The following DGKD variants were observed in gnomAD, a reference collection of about 807,000 sequenced individuals.
DGKD encodes DAG kinase delta.
In DGKD, 68 loss-of-function variants were observed where a neutral mutation model predicts 154.4. That is an observed-to-expected ratio of 0.44 (90% CI 0.36 to 0.54). DGKD has a LOEUF of 0.54. Among genes scored for constraint, DGKD ranks in the 20% least tolerant of loss-of-function variants. DGKD has a pLI of 0.00. For missense variants in DGKD, 1,343 were observed against 1,593.6 expected (o/e 0.84, Z 2.68); for synonymous variants, 693 against 638.0 (o/e 1.09, Z -1.30).
At position 233,445,767 on chromosome 2, in the gene DGKD, G is replaced by A; in HGVS notation, c.1334+5G>A. The stretch of plus-strand genomic sequence containing the variant: ...CAGCACCAAGATGCTGGACAGGTGA[G>A]TGGGGATGTGCTCCGGTGCCGTATG... On this transcript the variant is annotated splice_donor_5th_base_variant and intron_variant, in intron 11 of 29. Transcript: ENST00000264057. This position sits in a 1 kb window ranked among gnomAD's most constrained non-coding sequence, Gnocchi z 5.5. 1.2e-6 allele frequency: 2 copies of A among 1,608,480 alleles called. No homozygotes were observed. The highest frequency in any genetic ancestry group is 2.2e-5 in the East Asian group (1 of 44,630).
intron 5 of DGKD, among the ~76,000 whole-genome samples, chr2:233,435,102 CAG>C (rs977724333): frequency 1.3e-5 from 2 of 152,110 alleles, no homozygotes; most frequent in African/African-American, 4.8e-5. Context: ...TTATAGTGCT[CAG>C]AGTGAAAAGG....
At chr2:233,399,944 A>G (rs57020060) in intron 3 of DGKD, among the ~76,000 whole-genome samples, 2,245 of 152,114 alleles carry the variant, frequency 0.015, 54 homozygotes, top group African/African-American at 0.051. Context: ...GGTGACTCTG[A>G]GAATTAAATA....
In DGKD at chr2:233,467,351, C is replaced by T. The variant is rs964364294; in HGVS notation, c.3424+148C>T. 18 of 688,650 alleles carry T rather than the reference C, an allele frequency of 2.6e-5. No homozygotes were observed. The African/African-American group carries it at 3.2e-4, about 12-fold the overall frequency. The allele number at this position is 688,650 out of a possible 1,614,324, so 42.7% of individuals were successfully genotyped here. A position where few individuals can be genotyped will look rare whatever the true frequency, so the allele number is the denominator to read the frequency against. ...CCCCCGGTCCTGCGACCACACTTGT[C>T]TGTTGGTAGCTGCAGCCCTCCACCC... On this transcript the variant is annotated intron_variant, in intron 28 of 29. Transcript: ENST00000264057.
chr2:233,388,089 C>T, intron 1 of DGKD, 168 bp from the exon 2 acceptor site: 1 of 1,436,454 alleles, frequency 7.0e-7, no homozygotes, highest in Non-Finnish European at 9.2e-7. Context: ...CCCCATGCCC[C>T]CGGCAGCGTG....
intron 2 of DGKD, among the ~76,000 whole-genome samples, chr2:233,389,956 C>T (rs1412400608): frequency 6.6e-6 from 1 of 152,194 alleles, no homozygotes; most frequent in Non-Finnish European, 1.5e-5. Context: ...AGGACCTTCC[C>T]CCTCCATGTG....
chr2:233,468,482 T>C lies in DGKD; in HGVS notation c.3484T>C (p.Tyr1162His). The C allele has an allele frequency of 1.2e-6, 2 of 1,612,894 alleles. No homozygotes were observed. Among genetic ancestry groups the C allele is most frequent in the Non-Finnish European group, 1.7e-6 (2 of 1,179,740 alleles). ...GCTGGAGCACCTCAGTCTCTGTGAG[T>C]ATAAGGACATCTTCACACGGCACGA... ...AWLEHLSLCE[Y>H]KDIFTRHDIR... The change falls in exon 29 of 30, where the codon TAT becomes CAT. Residue 1162 changes from tyrosine to histidine, a missense_variant. Transcript: ENST00000264057.
chr2:233,453,867 A>G (rs2124894843), intron 18 of DGKD, among the ~76,000 whole-genome samples: 1 of 152,352 alleles, frequency 6.6e-6, no homozygotes, highest in Middle Eastern at 3.4e-3. Flanking sequence ...CACACGGGGA[A>G]AAGGAAGCCT....
At chr2:233,462,522 C>T (rs900091679) in intron 25 of DGKD, 63 bp downstream of exon 25, 125 of 1,539,062 alleles carry the variant, frequency 8.1e-5, no homozygotes, top group South Asian at 1.4e-4. Context: ...CGGCCCTCCC[C>T]GTGCGTGTTC....
chr2:233,376,121 C>T (rs947609690), intron 1 of DGKD, among the ~76,000 whole-genome samples: 2 of 151,970 alleles, frequency 1.3e-5, no homozygotes, highest in Non-Finnish European at 2.9e-5. Flanking sequence ...TTTGGGATGT[C>T]GCACCTGCTG....
intron 3 of DGKD, among the ~76,000 whole-genome samples, chr2:233,401,914 T>C (rs2125485847): frequency 1.0e-5 from 1 of 96,712 alleles, no homozygotes; most frequent in Middle Eastern, 5.5e-3. Flanking sequence ...AGTGAGACTC[T>C]GTCTCAAAAA....
intron 3 of DGKD, among the ~76,000 whole-genome samples, chr2:233,432,257 T>G (rs113741199): frequency 0.015 from 1,085 of 74,436 alleles, 33 homozygotes; most frequent in African/African-American, 0.036. Flanking sequence ...CAGGCGTGGT[T>G]GCTCACGCCT....
intron 24 of DGKD, among the ~76,000 whole-genome samples, chr2:233,461,350 C>G (rs1191199732): frequency 6.6e-6 from 1 of 152,266 alleles, no homozygotes; most frequent in Non-Finnish European, 1.5e-5. Context: ...GTGTGCCCTT[C>G]CAGGCAGCCT....
In DGKD at chr2:233,467,172, C is replaced by T. The variant is rs528425985; in HGVS notation, c.3393C>T (p.Asn1131=). ...TKFKKEKNNK[N]KEAHSSLGAP... is the part of the protein sequence containing the mutation. ...TTAAAAAGGAGAAAAACAACAAGAA[C>T]AAAGAAGCTCACAGTAGCCTGGGAG... The change falls in exon 28 of 30, where the codon AAC becomes AAT. Residue 1131 remains asparagine (N), a synonymous_variant. Coordinates refer to ENST00000264057, the MANE Select transcript of DGKD (RefSeq NM_152879.3). 1.2e-6 allele frequency: 2 copies of T among 1,614,186 alleles called. No individual in the cohort carries two copies. The highest frequency in any genetic ancestry group is 2.2e-5 in the South Asian group (2 of 91,084).
intron 3 of DGKD, among the ~76,000 whole-genome samples, chr2:233,396,424 C>T (rs989897665): frequency 4.6e-5 from 7 of 151,418 alleles, no homozygotes; most frequent in Non-Finnish European, 7.4e-5. Context: ...TGGGGTCTAC[C>T]GTGGGCCACA....
intron 3 of DGKD, among the ~76,000 whole-genome samples, chr2:233,401,254 C>T (rs1400838169): frequency 6.6e-6 from 1 of 152,084 alleles, no homozygotes; most frequent in East Asian, 1.9e-4. Context: ...TGAATGTAGG[C>T]ATGATATATG....
Position 233,469,570 on chromosome 2 carries a change from C to G in DGKD, c.*110C>G, listed in dbSNP as rs1011663100. ...CTGCCACTGAGGCCCTGGGCAGATG[C>G]TGCAGCCCGCCCCCTTCTCATGGTG... On this transcript the variant is annotated 3_prime_UTR_variant, in exon 30 of 30. Transcript: ENST00000264057. 1.1e-6 allele frequency: 1 copy of G among 890,860 alleles called. No individual in the cohort carries two copies. Among genetic ancestry groups the G allele is most frequent in the African/African-American group, 1.7e-5 (1 of 60,288 alleles). 55.2% of individuals were successfully genotyped at this position (890,860 alleles called of 1,614,324 possible).
chr2:233,422,941 T>C (rs1243277377), intron 3 of DGKD, among the ~76,000 whole-genome samples: 1 of 152,212 alleles, frequency 6.6e-6, no homozygotes, highest in Non-Finnish European at 1.5e-5. Context: ...CTGTAACCCC[T>C]GGCAAACACT....
chr2:233,375,297 G>GGAAAAAAAA (rs984588573), intron 1 of DGKD, among the ~76,000 whole-genome samples: 1 of 151,374 alleles, frequency 6.6e-6, no homozygotes. Flanking sequence ...TCTCAAAAAA[G>GGAAAAAAAA]GAAAAAAAAG....
chr2:233,409,786 C>CG (rs2061777305), intron 3 of DGKD, among the ~76,000 whole-genome samples: 1 of 118,638 alleles, frequency 8.4e-6, no homozygotes, highest in Non-Finnish European at 1.7e-5. Context: ...CCCCCCATAC[C>CG]GTTTTTTTTT....
Sources: allele counts gnomAD v4.1 joint callset (sites outside exome capture counted in the v4.1 genomes callset), GRCh38; gene constraint gnomAD v4.1.1; non-coding constraint Gnocchi (gnomAD v3.1); transcripts MANE v1.5; gene names NCBI Gene and HGNC (gene_info 2026-07-23, HGNC 2026-07-21).